GAD2: variants seen among roughly 807,000 people sequenced by gnomAD.
The protein encoded by GAD2 is 65 kDa glutamic acid decarboxylase.
In GAD2, 22 loss-of-function variants were observed where a neutral mutation model predicts 80.1. That is an observed-to-expected ratio of 0.27 (90% CI 0.20 to 0.39). GAD2 has a LOEUF of 0.39. Among genes scored for constraint, GAD2 ranks in the 10% least tolerant of loss-of-function variants. The pLI is 1.00. For synonymous variants in GAD2, 274 were observed against 256.9 expected (o/e 1.07, Z -0.64); for missense variants, 624 against 738.4 (o/e 0.85, Z 1.80).
chr10:26,233,786 G>A (rs575157492), intron 7 of GAD2, among the ~76,000 whole-genome samples: 2 of 152,170 alleles, frequency 1.3e-5, no homozygotes, highest in African/African-American at 2.4e-5. Context: ...TGGCATGGAG[G>A]CTTCTTTCCT....
chr10:26,232,469 CTTTTTTTTTT>C (rs60636223), intron 7 of GAD2, among the ~76,000 whole-genome samples: 2 of 101,400 alleles, frequency 2.0e-5, no homozygotes, highest in African/African-American at 7.5e-5. Flanking sequence ...ACTCAGTCTA[CTTTTTTTTTT>C]TTTTTTTTTT....
intron 11 of GAD2, among the ~76,000 whole-genome samples, chr10:26,274,272 G>C (rs909324359): frequency 6.6e-6 from 1 of 152,174 alleles, no homozygotes; most frequent in Non-Finnish European, 1.5e-5. Flanking sequence ...GACTGATGCT[G>C]CAAAGCACCT....
chr10:26,244,906 C>T (rs1844785804), intron 7 of GAD2, among the ~76,000 whole-genome samples: 1 of 152,128 alleles, frequency 6.6e-6, no homozygotes, highest in Admixed American at 6.6e-5. Flanking sequence ...AATCCCAGCA[C>T]TTTGGGAGGT....
chr10:26,286,224 T>TA (rs1845329810), intron 12 of GAD2, 121 bp from the exon 13 acceptor site: 2 of 887,308 alleles, frequency 2.3e-6, no homozygotes, highest in Admixed American at 3.0e-5. Flanking sequence ...AATTGATTCT[T>TA]ACTGTTTTCT....
chr10:26,275,049 G>T (rs948621690), intron 11 of GAD2, among the ~76,000 whole-genome samples: 1 of 152,170 alleles, frequency 6.6e-6, no homozygotes, highest in African/African-American at 2.4e-5. Flanking sequence ...GGACCCTTGG[G>T]GCTTCTCTCA....
intron 8 of GAD2, among the ~76,000 whole-genome samples, chr10:26,268,624 C>G (rs1267035132): frequency 6.6e-6 from 1 of 152,160 alleles, no homozygotes; most frequent in Non-Finnish European, 1.5e-5. Context: ...CTTCTTTACG[C>G]TTTTAGCACT....
At chr10:26,236,285 A>G (rs1259949351) in intron 7 of GAD2, among the ~76,000 whole-genome samples, 1 of 148,520 alleles carries the variant, frequency 6.7e-6, no homozygotes, top group East Asian at 2.0e-4. Context: ...CAGAAAGATG[A>G]CTTTCTTTTC....
intron 7 of GAD2, among the ~76,000 whole-genome samples, chr10:26,236,715 T>C (rs1844676886): frequency 6.6e-6 from 1 of 152,338 alleles, no homozygotes; most frequent in East Asian, 1.9e-4. Flanking sequence ...GTTTGGGCAA[T>C]TTGGAAACAG....
At chr10:26,295,065 G>A (rs1036618831) in intron 15 of GAD2, among the ~76,000 whole-genome samples, 2 of 139,764 alleles carry the variant, frequency 1.4e-5, no homozygotes, top group African/African-American at 3.1e-5. Flanking sequence ...GAGCAAGATG[G>A]GAATACAGAA....
At position 26,219,122 on chromosome 10, in the gene GAD2, G is replaced by A. The variant is rs201248117; in HGVS notation, c.366G>A (p.Val122=). The change falls in exon 4 of 16, where the codon GTG becomes GTA. Residue 122 remains valine, a synonymous_variant. Transcript: ENST00000376261. ...QDVMNILLQY[V]VKSFDRSTKV... is the part of the protein sequence containing the mutation. ...TTATGAACATTTTACTTCAGTATGT[G>A]GTGAAAAGTTTCGATAGATCAACCA... The A allele has an allele frequency of 1.9e-5, 30 of 1,613,150 alleles. No individual in the cohort carries two copies. The highest frequency in any genetic ancestry group is 2.7e-5 in the African/African-American group (2 of 74,898).
At chr10:26,297,430 C>T (rs1048764529) in intron 15 of GAD2, among the ~76,000 whole-genome samples, 1 of 152,166 alleles carries the variant, frequency 6.6e-6, no homozygotes, top group Non-Finnish European at 1.5e-5. Flanking sequence ...ATGGAAAAGT[C>T]GCCTGGTTAT....
intron 8 of GAD2, among the ~76,000 whole-genome samples, chr10:26,246,397 G>A (rs1329063965): frequency 6.6e-6 from 1 of 152,166 alleles, no homozygotes; most frequent in Non-Finnish European, 1.5e-5. Flanking sequence ...CGTAGTATAG[G>A]GAGCAGGAAG....
At chr10:26,246,959 G>A (rs1844817819) in intron 8 of GAD2, among the ~76,000 whole-genome samples, 1 of 152,128 alleles carries the variant, frequency 6.6e-6, no homozygotes, top group Non-Finnish European at 1.5e-5. Context: ...TTGAATACCA[G>A]CAGCAAAGCT....
intron 14 of GAD2, 74 bp from the exon 15 acceptor site, chr10:26,292,828 C>T (rs1834231540): frequency 5.7e-6 from 7 of 1,223,994 alleles, no homozygotes; most frequent in East Asian, 2.3e-5. Context: ...CTGAATACAT[C>T]GATTTGAAAT....
chr10:26,273,130 G>A (rs1321004706), intron 10 of GAD2, among the ~76,000 whole-genome samples: 1 of 152,190 alleles, frequency 6.6e-6, no homozygotes, highest in East Asian at 1.9e-4. Context: ...TAACTGGTAT[G>A]AATCTTCCCT....
At chr10:26,292,857 A>G in intron 14 of GAD2, 45 bp from the exon 15 acceptor site, 2 of 1,514,396 alleles carry the variant, frequency 1.3e-6, no homozygotes, top group African/African-American at 1.4e-5. Flanking sequence ...AATTTTCAAA[A>G]TTGCCAGCCT....
At chr10:26,238,046 A>G (rs1387600021) in intron 7 of GAD2, among the ~76,000 whole-genome samples, 1 of 148,466 alleles carries the variant, frequency 6.7e-6, no homozygotes, top group African/African-American at 2.5e-5. Context: ...ACACACACAC[A>G]CAAGAAAAGA....
Position 26,217,673 on chromosome 10 carries a change from A to T in GAD2, c.136+4A>T. 1 of 1,613,404 alleles carries T rather than the reference A, an allele frequency of 6.2e-7. No individual in the cohort carries two copies. Among genetic ancestry groups the T allele is most frequent in the Non-Finnish European group, 8.5e-7 (1 of 1,179,712 alleles). The stretch of plus-strand genomic sequence containing the variant: ...GGCATCGGAAACAAACTGTGCGGTG[A>T]GTGCCCAGGGACCGGGGCGGCCAAG... On this transcript the variant is annotated splice_donor_region_variant and intron_variant, in intron 2 of 15. Coordinates refer to ENST00000376261, the MANE Select transcript of GAD2 (RefSeq NM_001134366.2). This position sits in a 1 kb window ranked among gnomAD's most constrained non-coding sequence, Gnocchi z 4.9.
chr10:26,256,070 T>G (rs1844939488), intron 8 of GAD2, among the ~76,000 whole-genome samples: 1 of 152,142 alleles, frequency 6.6e-6, no homozygotes, highest in Non-Finnish European at 1.5e-5. Flanking sequence ...ATTTCAAATT[T>G]AAAGGAAAAT....
Sources: gnomAD v4.1 joint callset for allele counts (sites outside exome capture counted in the v4.1 genomes callset) on GRCh38, gnomAD v4.1.1 for gene constraint, Gnocchi (gnomAD v3.1) non-coding constraint, MANE v1.5 for transcripts, NCBI Gene and HGNC (gene_info 2026-07-23, HGNC 2026-07-21) for gene names.